Variants in CADPS observed in about 807,000 individuals in gnomAD.
The protein encoded by CADPS is calcium dependent secretion activator.
CADPS carries 57 observed loss-of-function variants against 167.3 expected under a neutral mutation model. That is an observed-to-expected ratio of 0.34 (90% CI 0.28 to 0.42). The LOEUF is 0.42. Among genes scored for constraint, CADPS ranks in the 20% least tolerant of loss-of-function variants. CADPS has a pLI of 1.00. For synonymous variants in CADPS, 676 were observed against 635.3 expected (o/e 1.06, Z -0.96); for missense variants, 1,414 against 1,738.1 (o/e 0.81, Z 3.32).
chr3:62,614,214 G>T (rs1389199789), intron 6 of CADPS, among the ~76,000 whole-genome samples: 3 of 152,182 alleles, frequency 2.0e-5, no homozygotes, highest in African/African-American at 7.2e-5. Flanking sequence ...ATGCTATGGG[G>T]TGGTGAGAGC....
At chr3:62,530,765 G>A in intron 13 of CADPS, 1 of 1,288,306 alleles carries the variant, frequency 7.8e-7, no homozygotes, top group Non-Finnish European at 1.0e-6. Flanking sequence ...GCTCCCTTCA[G>A]GGTCTGTATT....
intron 27 of CADPS, among the ~76,000 whole-genome samples, chr3:62,445,251 A>G (rs2149932504): frequency 6.6e-6 from 1 of 152,358 alleles, no homozygotes; most frequent in East Asian, 1.9e-4. Context: ...TCCTTAAAAC[A>G]ATTGCAGAAT....
intron 6 of CADPS, among the ~76,000 whole-genome samples, chr3:62,610,383 T>A (rs1026094055): frequency 1.3e-4 from 20 of 152,258 alleles, no homozygotes; most frequent in African/African-American, 4.6e-4. Context: ...TCCCAGTAGC[T>A]GGGATTACAG....
rs2083926473 is a variant in CADPS, at chr3:62,756,420, G to A, written c.556-2647C>T. On this transcript the variant is annotated intron_variant, in intron 2 of 29. Coordinates refer to ENST00000383710, the MANE Select transcript of CADPS (RefSeq NM_003716.4). ...AAAGGAATTGAACAATAAGGTTTGG[G>A]GCTATCCTTTTAACTGTAATGATTA... is the stretch of plus-strand genomic sequence containing the variant. Among the ~76,000 whole-genome samples the A allele has an allele frequency of 2.0e-5, 3 of 152,038 alleles. No individual in the cohort carries two copies. In the South Asian group the frequency reaches 6.2e-4, roughly 32 times the overall value.
rs77950381 is a variant in CADPS at position 62,518,277 on chromosome 3, C to T, written c.2292-27G>A. On this transcript the variant is annotated intron_variant, in intron 13 of 29. Coordinates refer to ENST00000383710, the MANE Select transcript of CADPS (RefSeq NM_003716.4). ...TGAAAGAAGACATGTCATGAAATGA[C>T]GGGAACCTCATATGCTGACACCATC... 4,049 of 1,538,930 alleles carry T rather than the reference C, an allele frequency of 2.6e-3. 72 individuals carry two copies. In the African/African-American group the frequency reaches 0.048, roughly 18 times the overall value.
At chr3:62,743,101 A>G (rs2080649608) in intron 3 of CADPS, among the ~76,000 whole-genome samples, 1 of 152,228 alleles carries the variant, frequency 6.6e-6, no homozygotes, top group South Asian at 2.1e-4. Flanking sequence ...CATAACGGCT[A>G]TTATTAAAAA....
chr3:62,400,306 C>T (rs1488054199), intron 29 of CADPS, among the ~76,000 whole-genome samples: 1 of 152,122 alleles, frequency 6.6e-6, no homozygotes, highest in Non-Finnish European at 1.5e-5. Flanking sequence ...TTTCTTTGTT[C>T]CTTCAGGCAG....
chr3:62,599,508 A>T (rs1196388694), intron 6 of CADPS, among the ~76,000 whole-genome samples: 1 of 104,212 alleles, frequency 9.6e-6, no homozygotes, highest in African/African-American at 4.0e-5. Flanking sequence ...TTTTATATAT[A>T]TTATATATAT....
chr3:62,793,459 A>G (rs1244857937), intron 1 of CADPS, among the ~76,000 whole-genome samples: 1 of 152,214 alleles, frequency 6.6e-6, no homozygotes, highest in Non-Finnish European at 1.5e-5. Flanking sequence ...TGTGCAGCAG[A>G]TCACTCCATT....
rs2057123924 is a variant in CADPS, at chr3:62,445,767, G to GTC, written c.3666_3667insGA (p.Pro1223AspfsTer13). ...AGAAACAATTTTCAAATACTCACAG[G>GTC]TACATCCACATATTTGGAAGCTGCC... On this transcript the variant is annotated frameshift_variant, in exon 27 of 30. Transcript: ENST00000383710. LOFTEE classifies it high-confidence loss of function. 1 of 1,514,552 alleles carries GTC rather than the reference G, an allele frequency of 6.6e-7. No individual in the cohort carries two copies. The highest frequency in any genetic ancestry group is 1.5e-5 in the African/African-American group (1 of 68,702). 93.8% of individuals were successfully genotyped at this position (1,514,552 alleles called of 1,614,324 possible).
Position 62,549,963 on chromosome 3 carries a change from G to C in CADPS, c.1906C>G (p.Gln636Glu). ...SHKPVPPTQVQKLNAKGGNVP... is the reference protein window; with the variant it reads ...SHKPVPPTQVEKLNAKGGNVP... ...TTTCCTCCCTTGGCGTTGAGTTTCT[G>C]GACTTGGGTCGGGGGCACAGGCTTG... Residue 636 changes from glutamine to glutamate, a missense_variant, in exon 11 of 30, where the codon CAG (glutamine) becomes GAG (glutamate). By Grantham distance (29) the Gln-to-Glu change is conservative. Transcript: ENST00000383710. 2.5e-6 allele frequency: 4 copies of C among 1,614,086 alleles called. No individual in the cohort carries two copies. Among genetic ancestry groups the C allele is most frequent in the Non-Finnish European group, 3.4e-6 (4 of 1,179,970 alleles).
chr3:62,459,908 ATAGC>A (rs1382641431), intron 26 of CADPS, among the ~76,000 whole-genome samples: 35 of 152,346 alleles, frequency 2.3e-4, no homozygotes, highest in African/African-American at 4.1e-4. Flanking sequence ...CTACGGTAAA[ATAGC>A]TGGCTGGTGA....
chr3:62,703,365 C>A (rs1190364007), intron 3 of CADPS, among the ~76,000 whole-genome samples: 1 of 152,038 alleles, frequency 6.6e-6, no homozygotes, highest in Non-Finnish European at 1.5e-5. Context: ...GGAGAATGGT[C>A]CTTAGTTAAT....
intron 6 of CADPS, among the ~76,000 whole-genome samples, chr3:62,605,960 T>C (rs1373038506): frequency 1.3e-5 from 2 of 152,206 alleles, no homozygotes; most frequent in East Asian, 3.8e-4. Context: ...AATTTGGGTC[T>C]GATTTTTTTT....
intron 9 of CADPS, among the ~76,000 whole-genome samples, chr3:62,558,678 G>C (rs1191905065): frequency 6.6e-6 from 1 of 152,184 alleles, no homozygotes; most frequent in Non-Finnish European, 1.5e-5. Flanking sequence ...CGAGGCTTGA[G>C]GGTCCCAGTG....
chr3:62,783,162 AG>A (rs1229826071), intron 1 of CADPS, among the ~76,000 whole-genome samples: 1 of 152,224 alleles, frequency 6.6e-6, no homozygotes, highest in East Asian at 1.9e-4. Context: ...ACTCGCACAA[AG>A]GTGACCTAAG....
chr3:62,741,139 G>T (rs1388313156), intron 3 of CADPS, among the ~76,000 whole-genome samples: 1 of 152,076 alleles, frequency 6.6e-6, no homozygotes, highest in Non-Finnish European at 1.5e-5. Flanking sequence ...TTAATTAATG[G>T]TAGCTAATAA....
At chr3:62,537,277 A>G (rs2152050005) in intron 11 of CADPS, among the ~76,000 whole-genome samples, 1 of 152,370 alleles carries the variant, frequency 6.6e-6, no homozygotes. Flanking sequence ...AGCAAGGGCT[A>G]TGATCTGCCA....
chr3:62,589,637 T>C (rs1052902454), intron 7 of CADPS, among the ~76,000 whole-genome samples: 2 of 152,156 alleles, frequency 1.3e-5, no homozygotes, highest in African/African-American at 2.4e-5. Context: ...AGTAGGGTTG[T>C]CTTGAGAGAG....
Sources: gnomAD v4.1 joint callset for allele counts (sites outside exome capture counted in the v4.1 genomes callset) on GRCh38, gnomAD v4.1.1 for gene constraint, MANE v1.5 for transcripts, NCBI Gene and HGNC (gene_info 2026-07-23, HGNC 2026-07-21) for gene names.